Variants in BRWD1 observed in about 807,000 individuals in gnomAD.
The protein encoded by BRWD1 is bromodomain and WD repeat-containing protein 1.
BRWD1 carries 82 observed loss-of-function variants against 251.2 expected under a neutral mutation model. That is an observed-to-expected ratio of 0.33 (90% confidence interval 0.27 to 0.39). The LOEUF (loss-of-function observed/expected upper bound fraction) is 0.39, where lower values mean the gene tolerates loss of function less well. Ranked by LOEUF, BRWD1 falls within the 10% of genes least tolerant of loss-of-function variation. The probability of loss-of-function intolerance (pLI) is 1.00; values close to 1 mark genes in which losing one functional copy is unlikely to be tolerated. For missense variants in BRWD1, 2,233 were observed against 2,711.6 expected, an observed-to-expected ratio of 0.82 and a Z score of 3.92; for synonymous variants, 918 against 902.8, an observed-to-expected ratio of 1.02 and a Z score of -0.30.
chr21:39,314,506 G>A (rs549185712), upstream of BRWD1: 1 of 362,836 alleles, frequency 2.8e-6, no homozygotes, highest in African/African-American at 2.1e-5. Flanking sequence ...AGGGAGTCAT[G>A]TGCAGTTAGA....
chr21:39,213,469 C>G lies in BRWD1; in HGVS notation c.3858+12G>C. ...TTAACAAAAACCATTATAAAATCAA[C>G]AAACTTCATACCAAATCCTCAGCAT... On this transcript the variant is annotated intron_variant, in intron 33 of 40. Transcript: ENST00000342449. The G allele has an allele frequency of 6.2e-7, 1 of 1,604,048 alleles. No homozygotes were observed. Among genetic ancestry groups the G allele is most frequent in the Admixed American group, 1.7e-5 (1 of 58,496 alleles).
At chr21:39,248,164 C>G (rs926908524) in intron 20 of BRWD1, among the ~76,000 whole-genome samples, 1 of 152,080 alleles carries the variant, frequency 6.6e-6, no homozygotes, top group Non-Finnish European at 1.5e-5. Flanking sequence ...AATACATATT[C>G]GTACATTATG....
intron 17 of BRWD1, among the ~76,000 whole-genome samples, chr21:39,259,361 G>C (rs1186845996): frequency 6.6e-6 from 1 of 152,116 alleles, no homozygotes; most frequent in Non-Finnish European, 1.5e-5. Context: ...CGTGATCTTG[G>C]CTTACTGCAA....
intron 4 of BRWD1, 26 bp downstream of exon 4, chr21:39,312,814 CG>C: frequency 6.3e-7 from 1 of 1,579,822 alleles, no homozygotes; most frequent in Non-Finnish European, 8.6e-7. Flanking sequence ...ACGGAAAACC[CG>C]GGGAGCAAAC....
chr21:39,201,759 T>C (rs2032119548), intron 38 of BRWD1, among the ~76,000 whole-genome samples: 2 of 151,000 alleles, frequency 1.3e-5, no homozygotes, highest in Admixed American at 1.3e-4. Flanking sequence ...CTTTTATCTG[T>C]ATGTATATTT....
intron 18 of BRWD1, among the ~76,000 whole-genome samples, chr21:39,256,820 T>C (rs2034576669): frequency 1.3e-5 from 2 of 152,230 alleles, no homozygotes; most frequent in African/African-American, 4.8e-5. Flanking sequence ...TGCCAGCTCT[T>C]CTTGCCTAGG....
Position 39,196,375 on chromosome 21 carries a change from G to A in BRWD1, c.6694C>T (p.Leu2232Phe), listed in dbSNP as rs1296946489. 6.2e-7 allele frequency: 1 copy of A among 1,613,476 alleles called. No individual in the cohort carries two copies. Among genetic ancestry groups the A allele is most frequent in the Non-Finnish European group, 8.5e-7 (1 of 1,179,692 alleles). Residue 2232 changes from leucine to phenylalanine, a missense_variant, in exon 41 of 41, where the codon CTT (leucine) becomes TTT (phenylalanine). Transcript: ENST00000342449. ...CTCGTTTTTATTTTTGAACGTCGAA[G>A]AACTCTTTTAGATTTTGCATAGTCC... The part of the protein sequence containing the change: ...DLDYAKSKRV[L>F]RRSKIKTRNQ...
intron 7 of BRWD1, among the ~76,000 whole-genome samples, chr21:39,294,654 C>CAAAA (rs35545105): frequency 0.018 from 1,746 of 98,808 alleles, 41 homozygotes; most frequent in African/African-American, 0.075. Flanking sequence ...GACTCCGTCT[C>CAAAA]AAAAAAAAAA....
At chr21:39,253,624 A>C (rs1046964215) in intron 19 of BRWD1, among the ~76,000 whole-genome samples, 1 of 152,174 alleles carries the variant, frequency 6.6e-6, no homozygotes, top group Admixed American at 6.5e-5. Flanking sequence ...TCACAATTCC[A>C]CATTTTGCTT....
intron 8 of BRWD1, among the ~76,000 whole-genome samples, chr21:39,281,515 C>T (rs1393386416): frequency 2.6e-5 from 4 of 152,100 alleles, no homozygotes; most frequent in East Asian, 3.9e-4. Context: ...GGTGACATGG[C>T]GAAACCCTGT....
At chr21:39,292,115 TGGGGGGTGG>T (rs2035826231) in intron 8 of BRWD1, among the ~76,000 whole-genome samples, 1 of 10,276 alleles carries the variant, frequency 9.7e-5, no homozygotes, top group East Asian at 0.014. Context: ...CTATTTTTTG[TGGGGGGTGG>T]GTGGGGGTGG....
At chr21:39,210,411 T>A (rs2032603386) in intron 35 of BRWD1, among the ~76,000 whole-genome samples, 1 of 152,200 alleles carries the variant, frequency 6.6e-6, no homozygotes, top group Non-Finnish European at 1.5e-5. Context: ...CTACAGTCAC[T>A]CTGTGCTGTT....
chr21:39,295,827 A>G lies in BRWD1; in HGVS notation c.525T>C (p.His175=). The G allele has an allele frequency of 6.2e-7, 1 of 1,612,108 alleles. No homozygotes were observed. The highest frequency in any genetic ancestry group is 8.5e-7 in the Non-Finnish European group (1 of 1,178,754). ...CGAGAATCCTTCTGTGCATTTTTATATGCTGATACATAGTTCCTGGAAATG... is the reference window on the plus strand; with the variant it reads ...CGAGAATCCTTCTGTGCATTTTTATGTGCTGATACATAGTTCCTGGAAATG... ...STAFPGTMYQ[H]IKMHRRILGH... Residue 175 remains histidine, a synonymous_variant, in exon 7 of 41, where the codon CAT becomes CAC. Coordinates refer to ENST00000342449, the MANE Select transcript of BRWD1 (RefSeq NM_033656.4).
intron 4 of BRWD1, among the ~76,000 whole-genome samples, chr21:39,312,407 A>G (rs1056590904): frequency 3.9e-5 from 6 of 152,254 alleles, no homozygotes; most frequent in East Asian, 1.9e-4. Flanking sequence ...TCAGAGACCA[A>G]TGATTCTATT....
intron 21 of BRWD1, among the ~76,000 whole-genome samples, chr21:39,241,474 A>G (rs1314536617): frequency 9.5e-4 from 19 of 20,044 alleles, no homozygotes; most frequent in Non-Finnish European, 2.0e-3. Flanking sequence ...TCTCCAAAGT[A>G]AAAAAAAAAA....
chr21:39,196,819 T>G lies in BRWD1; in HGVS notation c.6250A>C (p.Asn2084His). The G allele has an allele frequency of 1.2e-6, 2 of 1,613,496 alleles. No homozygotes were observed. The highest frequency in any genetic ancestry group is 2.7e-5 in the African/African-American group (2 of 75,034). The change falls in exon 41 of 41, where the codon AAT (asparagine) becomes CAT (histidine). Residue 2084 changes from asparagine to histidine, a missense_variant. Coordinates refer to ENST00000342449, the MANE Select transcript of BRWD1 (RefSeq NM_033656.4). ...TLAQKATAEN[N>H]FEVELNYGLR... ...CCATAATTCAGTTCCACTTCAAAAT[T>G]ATTCTCTGCAGTAGCTTTTTGTGCC...
intron 37 of BRWD1, among the ~76,000 whole-genome samples, chr21:39,204,285 T>C (rs2032284029): frequency 6.6e-6 from 1 of 151,058 alleles, no homozygotes; most frequent in South Asian, 2.1e-4. Flanking sequence ...TTGTTTGCAA[T>C]AGATTGAGAT....
At chr21:39,278,838 T>TA in intron 9 of BRWD1, 25 bp from the exon 10 acceptor site, 1 of 1,527,580 alleles carries the variant, frequency 6.5e-7, no homozygotes, top group Non-Finnish European at 8.9e-7. Flanking sequence ...GATGCTGCTT[T>TA]AAAATAGATT....
intron 19 of BRWD1, among the ~76,000 whole-genome samples, chr21:39,251,841 A>G (rs1601387777): frequency 6.6e-6 from 1 of 152,224 alleles, no homozygotes; most frequent in South Asian, 2.1e-4. Flanking sequence ...AATACATACA[A>G]TTGATTCTCA....
Sources: allele counts gnomAD v4.1 joint callset (sites outside exome capture counted in the v4.1 genomes callset), GRCh38; gene constraint gnomAD v4.1.1; transcripts MANE v1.5; gene names NCBI Gene and HGNC (gene_info 2026-07-23, HGNC 2026-07-21).